The following CASZ1 variants were observed in gnomAD, a reference collection of about 807,000 sequenced individuals.
CASZ1 encodes the protein castor zinc finger 1, also known as zinc finger protein castor homolog 1.
In CASZ1, 28 loss-of-function variants were observed where a neutral mutation model predicts 135.2. The ratio of observed to expected loss-of-function variants is 0.21; its 90% CI spans 0.15 to 0.28. The LOEUF (loss-of-function observed/expected upper bound fraction) is 0.28, where lower values mean the gene tolerates loss of function less well. Among genes scored for constraint, CASZ1 ranks in the 10% least tolerant of loss-of-function variants. The pLI is 1.00. For synonymous variants in CASZ1, 1,068 were observed against 1,073.4 expected (o/e 0.99, Z 0.10); for missense variants, 2,161 against 2,453.3 (o/e 0.88, Z 2.52).
At chr1:10,734,242 A>G (rs1317074884) in intron 2 of CASZ1, among the ~76,000 whole-genome samples, 2 of 145,548 alleles carry the variant, frequency 1.4e-5, no homozygotes, top group African/African-American at 5.1e-5. Context: ...GTCTTCCAGC[A>G]CCGAAACTCC....
At chr1:10,648,984 G>C in intron 15 of CASZ1, 86 bp downstream of exon 15, 1 of 1,544,116 alleles carries the variant, frequency 6.5e-7, no homozygotes, top group Non-Finnish European at 8.8e-7. Flanking sequence ...AGCGGGAACT[G>C]CTGTACCAGC....
chr1:10,698,480 A>C (rs1298742674), intron 3 of CASZ1, among the ~76,000 whole-genome samples: 1 of 152,210 alleles, frequency 6.6e-6, no homozygotes, highest in East Asian at 1.9e-4. Flanking sequence ...CAGAGATTTT[A>C]ATTACTAAAT....
chr1:10,789,894 T>TGCG (rs1557573709), intron 1 of CASZ1, among the ~76,000 whole-genome samples: 1 of 152,238 alleles, frequency 6.6e-6, no homozygotes, highest in Non-Finnish European at 1.5e-5. Context: ...TGATTAATTT[T>TGCG]TGCAGAATTT....
At chr1:10,752,205 C>T (rs752998150) in intron 2 of CASZ1, among the ~76,000 whole-genome samples, 1 of 152,226 alleles carries the variant, frequency 6.6e-6, no homozygotes, top group Non-Finnish European at 1.5e-5. Flanking sequence ...AGCAGGCTGT[C>T]GTCCCTGACC....
chr1:10,721,485 T>C lies in CASZ1; in HGVS notation c.-76-15941A>G, dbSNP rs898159333. Among the ~76,000 whole-genome samples the C allele has an allele frequency of 3.9e-5, 6 of 152,284 alleles. No individual in the cohort carries two copies. In the East Asian group the frequency reaches 9.7e-4, roughly 24 times the overall value. ...AAACACTAATTGCTGTGACTGATTG[T>C]CACATATCATCATTTTCATAGGATC... On this transcript the variant is annotated intron_variant, in intron 2 of 20. Coordinates refer to ENST00000377022, the MANE Select transcript of CASZ1 (RefSeq NM_001079843.3). This position sits in a 1 kb window ranked among gnomAD's most constrained non-coding sequence, Gnocchi z 5.4.
chr1:10,640,560 A>G (rs11804446), intron 20 of CASZ1, among the ~76,000 whole-genome samples: 1,897 of 152,300 alleles, frequency 0.012, 40 homozygotes, highest in African/African-American at 0.043. Flanking sequence ...GCCTACTCAC[A>G]GTAGGGGTGC....
chr1:10,744,915 C>T (rs376363016), intron 2 of CASZ1, among the ~76,000 whole-genome samples: 8 of 152,178 alleles, frequency 5.3e-5, no homozygotes, highest in African/African-American at 1.7e-4. Flanking sequence ...CCATGTGCTC[C>T]GTCAATCCAC....
chr1:10,648,156 A>G lies in CASZ1; in HGVS notation c.3159-17T>C. 2 of 1,472,154 alleles carry G rather than the reference A, an allele frequency of 1.4e-6. No homozygotes were observed. The highest frequency in any genetic ancestry group is 1.4e-5 in the African/African-American group (1 of 69,780). The allele number at this position is 1,472,154 out of a possible 1,614,324, so 91.2% of individuals were successfully genotyped here. ...AAGTGGAAGCTGCGAGAGGTAGAAG[A>G]GGGGGTCTCATGGGGGGCAGTGAAG... On this transcript the variant is annotated splice_polypyrimidine_tract_variant and intron_variant, in intron 15 of 20. Coordinates refer to ENST00000377022, the MANE Select transcript of CASZ1 (RefSeq NM_001079843.3).
At chr1:10,731,897 A>G (rs1418491703) in intron 2 of CASZ1, among the ~76,000 whole-genome samples, 1 of 152,256 alleles carries the variant, frequency 6.6e-6, no homozygotes, top group African/African-American at 2.4e-5. Context: ...TGGAAAATAC[A>G]GTTATTCTCA....
At chr1:10,780,122 C>T (rs1380656112) in intron 1 of CASZ1, among the ~76,000 whole-genome samples, 4 of 152,212 alleles carry the variant, frequency 2.6e-5, no homozygotes, top group East Asian at 3.8e-4. Flanking sequence ...CCTTATAAAG[C>T]GCCCTGGCAG....
At position 10,711,031 on chromosome 1, in the gene CASZ1, T is replaced by G. The variant is rs1455917822; in HGVS notation, c.-76-5487A>C. 6.6e-6 allele frequency among the ~76,000 whole-genome samples: 1 copy of G among 152,184 alleles called. No homozygotes were observed. Among genetic ancestry groups the G allele is most frequent in the Non-Finnish European group, 1.5e-5 (1 of 68,042 alleles). On this transcript the variant is annotated intron_variant, in intron 2 of 20. Transcript: ENST00000377022. This position sits in a 1 kb window ranked among gnomAD's most constrained non-coding sequence, Gnocchi z 4.4. ...CTGTAATCCCAGCTACTCGGGAGGC[T>G]GAGGCGTGAGAATCATTTGAACCCG...
intron 2 of CASZ1, among the ~76,000 whole-genome samples, chr1:10,722,524 G>C (rs1281320201): frequency 6.6e-6 from 1 of 152,240 alleles, no homozygotes; most frequent in Non-Finnish European, 1.5e-5. Context: ...CTCGGAGAAG[G>C]CTTCTTCTAT....
rs1031613090 is a variant in CASZ1 at position 10,794,079 on chromosome 1, C to A, written c.-234+2485G>T. Among the ~76,000 whole-genome samples the A allele has an allele frequency of 2.0e-5, 3 of 152,184 alleles. No homozygotes were observed. The highest frequency in any genetic ancestry group is 7.2e-5 in the African/African-American group (3 of 41,462). On this transcript the variant is annotated intron_variant, in intron 1 of 20. Transcript: ENST00000377022. The surrounding 1 kb of genome is among the most constrained non-coding windows in gnomAD (Gnocchi z 5.6). ...CCCGGGGAACAACTACCCCCCTCCC[C>A]ATGCCCGGCGCAGCTGCTCCTGCTC...
chr1:10,731,125 GA>G (rs1639695827), intron 2 of CASZ1, among the ~76,000 whole-genome samples: 1 of 151,418 alleles, frequency 6.6e-6, no homozygotes, highest in African/African-American at 2.4e-5. Context: ...ATCATATAAT[GA>G]AATGTGTCAA....
intron 11 of CASZ1, 23 bp from the exon 12 acceptor site, chr1:10,651,099 T>C (rs1324522248): frequency 1.4e-6 from 2 of 1,479,770 alleles, no homozygotes; most frequent in East Asian, 2.4e-5. Flanking sequence ...GGTGGGAAGA[T>C]GCGTCAGAGG....
At chr1:10,769,056 C>T (rs1640528649) in intron 1 of CASZ1, among the ~76,000 whole-genome samples, 1 of 152,194 alleles carries the variant, frequency 6.6e-6, no homozygotes, top group Non-Finnish European at 1.5e-5. Flanking sequence ...AGGAGAATCA[C>T]TTGAACCTGG....
At chr1:10,792,161 GA>G (rs35822672) in intron 1 of CASZ1, among the ~76,000 whole-genome samples, 23,726 of 114,794 alleles carry the variant, frequency 0.21, 3,052 homozygotes, top group East Asian at 0.59. Context: ...CAGAAAGAAA[GA>G]AAAAAAAAAA....
chr1:10,691,543 T>C (rs1638767399), intron 4 of CASZ1, among the ~76,000 whole-genome samples: 2 of 152,262 alleles, frequency 1.3e-5, no homozygotes, highest in South Asian at 4.1e-4. Flanking sequence ...CCCCTGGCCT[T>C]GGACTATGTC....
rs144755025 is a variant in CASZ1, at chr1:10,682,974, G to A, written c.16+10900C>T. Among the ~76,000 whole-genome samples the A allele has an allele frequency of 6.4e-3, 971 of 152,340 alleles. 3 individuals carry two copies. The highest frequency in any genetic ancestry group is 0.017 in the Middle Eastern group (5 of 294). Reference sequence around the variant, plus strand: ...CCTGTCCATTCTAGCTATTCCACTCGGTCCTCTAACTCTGCGGGTACGCAA... The same window carrying A: ...CCTGTCCATTCTAGCTATTCCACTCAGTCCTCTAACTCTGCGGGTACGCAA... On this transcript the variant is annotated intron_variant, in intron 4 of 20. Transcript: ENST00000377022.
Sources: allele counts gnomAD v4.1 joint callset (sites outside exome capture counted in the v4.1 genomes callset), GRCh38; gene constraint gnomAD v4.1.1; non-coding constraint Gnocchi (gnomAD v3.1); transcripts MANE v1.5; gene names NCBI Gene and HGNC (gene_info 2026-07-23, HGNC 2026-07-21).